ITGB1: variants seen among roughly 807,000 people sequenced by gnomAD.
ITGB1 encodes the protein integrin subunit beta 1.
In ITGB1, 24 loss-of-function variants were observed where a neutral mutation model predicts 86.5. That is an observed-to-expected ratio of 0.28 (90% CI 0.20 to 0.39). ITGB1 has a LOEUF of 0.39. Among genes scored for constraint, ITGB1 ranks in the 10% least tolerant of loss-of-function variants. The pLI, the probability that ITGB1 is intolerant of heterozygous loss-of-function variation, is 1.00. For missense variants in ITGB1, 556 were observed against 946.9 expected (o/e 0.59, Z 5.42); for synonymous variants, 323 against 316.8 (o/e 1.02, Z -0.21).
At chr10:32,928,434 A>C (rs2094972436) in intron 4 of ITGB1, among the ~76,000 whole-genome samples, 170 bp from the exon 5 acceptor site, 1 of 152,266 alleles carries the variant, frequency 6.6e-6, no homozygotes, top group Non-Finnish European at 1.5e-5. Context: ...GTATGTATTC[A>C]GTTTCATTCA....
chr10:32,946,354 A>G (rs988833315), intron 1 of ITGB1, among the ~76,000 whole-genome samples: 3 of 152,260 alleles, frequency 2.0e-5, no homozygotes, highest in African/African-American at 7.2e-5. Context: ...ATAGGTTAAC[A>G]AAGACCAAAA....
At chr10:32,935,590 T>C in intron 1 of ITGB1, 32 bp from the exon 2 acceptor site, 2 of 1,463,648 alleles carry the variant, frequency 1.4e-6, no homozygotes, top group Admixed American at 1.7e-5. Context: ...ATATTAGTTA[T>C]AAAGAAATAA....
chr10:32,941,589 A>C (rs567791476), intron 1 of ITGB1, among the ~76,000 whole-genome samples: 24 of 152,296 alleles, frequency 1.6e-4, no homozygotes, highest in African/African-American at 5.8e-4. Flanking sequence ...AGGGAACTGA[A>C]AAAATTTGGG....
chr10:32,928,401 G>A, intron 4 of ITGB1, 137 bp from the exon 5 acceptor site: 1 of 546,020 alleles, frequency 1.8e-6, no homozygotes, highest in Non-Finnish European at 3.3e-6. Context: ...AAAAACCTGG[G>A]AATTCCATAA....
chr10:32,935,987 A>G (rs75082953), intron 1 of ITGB1: 2,569 of 154,542 alleles, frequency 0.017, 73 homozygotes, highest in African/African-American at 0.05. Context: ...AGTTACCTCA[A>G]TGCTGAACAT....
chr10:32,949,621 C>T (rs1350068120), intron 1 of ITGB1, among the ~76,000 whole-genome samples: 1 of 152,106 alleles, frequency 6.6e-6, no homozygotes, highest in African/African-American at 2.4e-5. Context: ...AATTCATTCC[C>T]TGAACAATAA....
At position 32,911,683 on chromosome 10, in the gene ITGB1, A is replaced by G. The variant is rs958437691; in HGVS notation, c.1709-13T>C. Reference sequence around the variant, plus strand: ...CAAACACCATTTCCTGCAATTAAGCATATCATTTCTCAAAATGGTAAAAAT... The same window carrying G: ...CAAACACCATTTCCTGCAATTAAGCGTATCATTTCTCAAAATGGTAAAAAT... On this transcript the variant is annotated splice_polypyrimidine_tract_variant and intron_variant, in intron 12 of 15. Coordinates refer to ENST00000302278, the MANE Select transcript of ITGB1 (RefSeq NM_002211.4). The G allele has an allele frequency of 1.2e-6, 2 of 1,611,602 alleles. No individual in the cohort carries two copies. Among genetic ancestry groups the G allele is most frequent in the African/African-American group, 1.3e-5 (1 of 74,890 alleles).
intron 1 of ITGB1, among the ~76,000 whole-genome samples, chr10:32,937,423 G>A (rs2095005785): frequency 6.6e-6 from 1 of 152,040 alleles, no homozygotes; most frequent in Non-Finnish European, 1.5e-5. Context: ...GGGTGTGGTG[G>A]CATACTCCTG....
rs35559257 is a variant in ITGB1, at chr10:32,903,351, CAAAAAAAAA to C, written c.2332-1725_2332-1717del. ...TGGGCGAAAGAGCAAGACTCCATCT[CAAAAAAAAA>C]AAAAAAAAAAAAAGAGGAAAAAAAA... On this transcript the variant is annotated intron_variant, in intron 15 of 15. Transcript: ENST00000302278. Among the ~76,000 whole-genome samples the C allele has an allele frequency of 1.8e-3, 104 of 57,028 alleles. 1 individual carries two copies. The Middle Eastern group carries it at 0.039, about 22-fold the overall frequency. The allele number at this position is 57,028 out of a possible 152,430, so 37.4% of individuals were successfully genotyped here.
chr10:32,947,297 T>TAA (rs35336165), intron 1 of ITGB1, among the ~76,000 whole-genome samples: 7 of 147,656 alleles, frequency 4.7e-5, no homozygotes, highest in Non-Finnish European at 9.0e-5. Context: ...TTTCATTAAA[T>TAA]AAAAAAAAAA....
chr10:32,914,978 G>A (rs1009575052), intron 11 of ITGB1, among the ~76,000 whole-genome samples: 15 of 152,202 alleles, frequency 9.9e-5, no homozygotes, highest in Non-Finnish European at 1.9e-4. Context: ...TCAGACCACA[G>A]TGCAATCAAG....
At chr10:32,928,821 G>C (rs1041275155) in intron 4 of ITGB1, among the ~76,000 whole-genome samples, 1 of 151,682 alleles carries the variant, frequency 6.6e-6, no homozygotes, top group Non-Finnish European at 1.5e-5. Flanking sequence ...AAGAAACCCA[G>C]AGAGAGATGA....
intron 1 of ITGB1, chr10:32,957,873 C>G (rs1033669704): frequency 2.0e-5 from 3 of 152,056 alleles, no homozygotes; most frequent in Non-Finnish European, 4.4e-5. Flanking sequence ...CCCTCACGTT[C>G]GGAACGCGGC....
intron 3 of ITGB1, among the ~76,000 whole-genome samples, chr10:32,931,608 T>C (rs2094983600): frequency 6.6e-6 from 1 of 152,106 alleles, no homozygotes; most frequent in Non-Finnish European, 1.5e-5. Flanking sequence ...ACACCACTTT[T>C]AGAAAACACC....
At chr10:32,935,626 T>C in intron 1 of ITGB1, 68 bp from the exon 2 acceptor site, 2 of 1,118,390 alleles carry the variant, frequency 1.8e-6, no homozygotes, top group Non-Finnish European at 2.7e-6. Context: ...AAATAGAAAG[T>C]ATTACCCCAC....
chr10:32,954,403 A>G (rs915924690), intron 1 of ITGB1, among the ~76,000 whole-genome samples: 3 of 152,096 alleles, frequency 2.0e-5, no homozygotes, highest in Non-Finnish European at 1.5e-5. Context: ...GTAGTTCTTG[A>G]ACCCCACTCA....
At chr10:32,946,262 T>C (rs2095031093) in intron 1 of ITGB1, among the ~76,000 whole-genome samples, 1 of 152,250 alleles carries the variant, frequency 6.6e-6, no homozygotes, top group African/African-American at 2.4e-5. Context: ...AGATCAGGCA[T>C]GCCTGCGGAA....
chr10:32,935,766 C>G lies in ITGB1; in HGVS notation c.1-208G>C, dbSNP rs1593877273. ...CCTTGCACCTACACTGCGAAAATAA[C>G]TTCCATACCAGAGCCCCAGAATCCA... On this transcript the variant is annotated intron_variant, in intron 1 of 15. Coordinates refer to ENST00000302278, the MANE Select transcript of ITGB1 (RefSeq NM_002211.4). 3.1e-5 allele frequency: 14 copies of G among 450,924 alleles called. No homozygotes were observed. The East Asian group carries it at 4.7e-4, about 15-fold the overall frequency. The allele number at this position is 450,924 out of a possible 1,614,324, so 27.9% of individuals were successfully genotyped here.
At chr10:32,907,273 T>A (rs1341218906) in intron 15 of ITGB1, 2 of 308,358 alleles carry the variant, frequency 6.5e-6, no homozygotes, top group Non-Finnish European at 1.2e-5. Flanking sequence ...AAATTGATAA[T>A]TTTTAAAAAC....
Sources: allele counts gnomAD v4.1 joint callset (sites outside exome capture counted in the v4.1 genomes callset), GRCh38; gene constraint gnomAD v4.1.1; transcripts MANE v1.5; gene names NCBI Gene and HGNC (gene_info 2026-07-23, HGNC 2026-07-21).